Variants in KCNT2 observed in about 807,000 individuals in gnomAD.
KCNT2 encodes potassium channel subfamily T member 2.
In KCNT2, 67 loss-of-function variants were observed where a neutral mutation model predicts 153.8. The observed-to-expected ratio is 0.44, with a 90% CI of 0.36 to 0.53. The LOEUF (loss-of-function observed/expected upper bound fraction) is 0.53. Ranked by LOEUF, KCNT2 falls within the 20% of genes least tolerant of loss-of-function variation. KCNT2 has a pLI of 0.00. For synonymous variants in KCNT2, 500 were observed against 458.8 expected, an observed-to-expected ratio of 1.09 and a Z score of -1.15; for missense variants, 975 against 1,354.8, an observed-to-expected ratio of 0.72 and a Z score of 4.40.
intron 18 of KCNT2, among the ~76,000 whole-genome samples, chr1:196,330,064 T>C (rs1024075922): frequency 7.5e-5 from 11 of 146,934 alleles, no homozygotes; most frequent in African/African-American, 2.8e-4. Flanking sequence ...ATATTTGGTC[T>C]TGAGGGTCAG....
At chr1:196,284,248 A>AAAAAAATATATAT in intron 23 of KCNT2, among the ~76,000 whole-genome samples, 2 of 10,042 alleles carry the variant, frequency 2.0e-4, no homozygotes, top group African/African-American at 2.7e-4. Context: ...AAAAAAAAAA[A>AAAAAAATATATAT]ATATATATAT....
At chr1:196,520,291 T>C (rs187129854) in intron 1 of KCNT2, among the ~76,000 whole-genome samples, 6 of 152,070 alleles carry the variant, frequency 3.9e-5, no homozygotes, top group Admixed American at 3.9e-4. Context: ...AACCAGGTAT[T>C]GAAAAACCAT....
chr1:196,380,538 C>G (rs1285818860), intron 13 of KCNT2, among the ~76,000 whole-genome samples: 3 of 152,092 alleles, frequency 2.0e-5, no homozygotes, highest in Admixed American at 6.6e-5. Flanking sequence ...CTTTGGAAAA[C>G]AGTAAATAGT....
Position 196,439,184 on chromosome 1 carries a change from T to G in KCNT2, c.639-9427A>C, listed in dbSNP as rs1382772944. On this transcript the variant is annotated intron_variant, in intron 8 of 27. Coordinates refer to ENST00000294725, the MANE Select transcript of KCNT2 (RefSeq NM_198503.5). ...ATTTAGTTTTATATGAATGTCCACT[T>G]TGGTTAATATCTGTTTTAAAGAACA... Among the ~76,000 whole-genome samples the G allele has an allele frequency of 2.0e-5, 3 of 152,070 alleles. No individual in the cohort carries two copies. The East Asian group carries it at 5.8e-4, about 30-fold the overall frequency.
chr1:196,308,161 T>A (rs1661817431), intron 21 of KCNT2, among the ~76,000 whole-genome samples: 1 of 127,038 alleles, frequency 7.9e-6, no homozygotes, highest in African/African-American at 2.5e-5. Context: ...CTTTTCCTCT[T>A]TTTTTTCTCT....
chr1:196,260,684 T>C (rs1656930931), intron 25 of KCNT2, among the ~76,000 whole-genome samples: 2 of 151,920 alleles, frequency 1.3e-5, no homozygotes, highest in Admixed American at 1.3e-4. Flanking sequence ...GTTTGGAATT[T>C]GCATTCTTTT....
rs755416960 is a variant in KCNT2 at position 196,342,073 on chromosome 1, A to G, written c.1553+6T>C. On this transcript the variant is annotated splice_donor_region_variant and intron_variant, in intron 15 of 27. Coordinates refer to ENST00000294725, the MANE Select transcript of KCNT2 (RefSeq NM_198503.5). ...ATTTTAATTTTTCTCTGAGGCAGAA[A>G]CATACTTTTTGTGTGCATGGAAAGA... 1.3e-6 allele frequency: 2 copies of G among 1,595,698 alleles called. No homozygotes were observed. Among genetic ancestry groups the G allele is most frequent in the East Asian group, 2.3e-5 (1 of 43,936 alleles).
intron 25 of KCNT2, among the ~76,000 whole-genome samples, chr1:196,273,858 C>T (rs1291202481): frequency 1.3e-5 from 2 of 151,506 alleles, no homozygotes; most frequent in East Asian, 3.9e-4. Context: ...CACAAATGTA[C>T]TCCATACACT....
intron 7 of KCNT2, 113 bp downstream of exon 7, chr1:196,467,590 A>T: frequency 1.8e-6 from 1 of 547,308 alleles, no homozygotes; most frequent in Non-Finnish European, 3.2e-6. Context: ...AGAATGCAGA[A>T]TTAGAAAGTT....
chr1:196,354,596 A>T (rs1005119435), intron 14 of KCNT2, among the ~76,000 whole-genome samples: 1 of 151,772 alleles, frequency 6.6e-6, no homozygotes, highest in Non-Finnish European at 1.5e-5. Flanking sequence ...AAAGAATTTC[A>T]TTCCAGTTTG....
intron 22 of KCNT2, among the ~76,000 whole-genome samples, chr1:196,286,471 A>G (rs576271141): frequency 6.6e-6 from 1 of 152,228 alleles, no homozygotes; most frequent in South Asian, 2.1e-4. Context: ...CACCCAGTCT[A>G]CAGTACTTTG....
At chr1:196,315,163 GTAGCTCACGTATTT>G (rs1464322403) in intron 21 of KCNT2, among the ~76,000 whole-genome samples, 1 of 151,612 alleles carries the variant, frequency 6.6e-6, no homozygotes, top group Non-Finnish European at 1.5e-5. Context: ...CTGTAATTTG[GTAGCTCACGTATTT>G]TCTTCAGGCT....
At chr1:196,312,365 G>T (rs994244304) in intron 21 of KCNT2, among the ~76,000 whole-genome samples, 1 of 151,390 alleles carries the variant, frequency 6.6e-6, no homozygotes, top group Admixed American at 6.6e-5. Context: ...TGCTTTAAAG[G>T]CCTACTAAGA....
chr1:196,387,439 T>C (rs1670089830), intron 13 of KCNT2, among the ~76,000 whole-genome samples: 1 of 151,972 alleles, frequency 6.6e-6, no homozygotes, highest in African/African-American at 2.4e-5. Flanking sequence ...AATTCATCTA[T>C]CATATCTGTA....
chr1:196,335,028 C>T (rs1346279856), intron 16 of KCNT2, among the ~76,000 whole-genome samples: 3 of 152,118 alleles, frequency 2.0e-5, no homozygotes, highest in East Asian at 3.9e-4. Flanking sequence ...AAGCAATTCC[C>T]TTTGTGAATT....
chr1:196,273,448 A>G (rs1658259608), intron 25 of KCNT2: 1 of 1,515,062 alleles, frequency 6.6e-7, no homozygotes, highest in African/African-American at 1.4e-5. Context: ...AGGAAAGGGA[A>G]ACAAACAGAA....
At position 196,236,088 on chromosome 1, in the gene KCNT2, G is replaced by A. The variant is rs758203062; in HGVS notation, c.3212-18C>T. 6.5e-6 allele frequency: 9 copies of A among 1,382,746 alleles called. No homozygotes were observed. In the East Asian group the frequency reaches 2.1e-4, roughly 32 times the overall value. The allele number at this position is 1,382,746 out of a possible 1,614,324, so 85.7% of individuals were successfully genotyped here. On this transcript the variant is annotated intron_variant, in intron 26 of 27. Coordinates refer to ENST00000294725, the MANE Select transcript of KCNT2 (RefSeq NM_198503.5). The stretch of plus-strand genomic sequence containing the variant: ...CATTTCATCTAGAAGATAAATAAAT[G>A]CCAAGTTTGTTATACTGCTTATAGA...
intron 5 of KCNT2, among the ~76,000 whole-genome samples, chr1:196,471,387 G>T (rs1490338043): frequency 6.6e-6 from 1 of 152,152 alleles, no homozygotes; most frequent in African/African-American, 2.4e-5. Context: ...TTTAACAAAA[G>T]AGTTATAACT....
chr1:196,524,694 C>A, intron 1 of KCNT2, among the ~76,000 whole-genome samples: 1 of 151,936 alleles, frequency 6.6e-6, no homozygotes, highest in East Asian at 1.9e-4. Context: ...TTTCCTATAT[C>A]CCGGATATCA....
Sources: allele counts gnomAD v4.1 joint callset (sites outside exome capture counted in the v4.1 genomes callset), GRCh38; gene constraint gnomAD v4.1.1; transcripts MANE v1.5; gene names NCBI Gene and HGNC (gene_info 2026-07-23, HGNC 2026-07-21).